UBE2V2: variants seen among roughly 807,000 people sequenced by gnomAD.
The protein encoded by UBE2V2 is ubiquitin conjugating enzyme E2 V2.
Under a neutral mutation model 17.2 loss-of-function variants are expected in UBE2V2, and 9 were observed. That is an observed-to-expected ratio of 0.52 (90% CI 0.32 to 0.91). The LOEUF (loss-of-function observed/expected upper bound fraction) is 0.91. Among genes scored for constraint, UBE2V2 ranks in the 40% least tolerant of loss-of-function variants. The pLI, the probability that UBE2V2 is intolerant of heterozygous loss-of-function variation, is 0.04. For synonymous variants in UBE2V2, 61 were observed against 57.5 expected (o/e 1.06, Z -0.28); for missense variants, 133 against 182.6 (o/e 0.73, Z 1.56).
chr8:48,008,513 G>T, intron 1 of UBE2V2, 43 bp downstream of exon 1: 1 of 1,552,956 alleles, frequency 6.4e-7, no homozygotes, highest in Non-Finnish European at 8.7e-7. Context: ...GCTCCGACCC[G>T]GCTCTGCCCC....
upstream of UBE2V2, chr8:48,008,325 G>A: frequency 1.6e-6 from 2 of 1,274,438 alleles, no homozygotes; most frequent in Non-Finnish European, 2.0e-6. Flanking sequence ...CGTGCGCGCT[G>A]TCCCTCGGGT....
intron 1 of UBE2V2, among the ~76,000 whole-genome samples, chr8:48,015,669 C>T (rs933204083): frequency 5.9e-5 from 9 of 152,142 alleles, no homozygotes; most frequent in African/African-American, 2.2e-4. Context: ...ATCCTAACCT[C>T]TGGTAACCAC....
At chr8:48,049,193 C>T (rs1487861476) in intron 2 of UBE2V2, among the ~76,000 whole-genome samples, 2 of 152,128 alleles carry the variant, frequency 1.3e-5, no homozygotes, top group Middle Eastern at 3.4e-3. Context: ...TAATGAACCT[C>T]AAAATTAATG....
chr8:48,054,444 A>C (rs1035339033), intron 3 of UBE2V2, among the ~76,000 whole-genome samples: 1 of 152,236 alleles, frequency 6.6e-6, no homozygotes, highest in Non-Finnish European at 1.5e-5. Context: ...ACTGGGAAAT[A>C]GAAAAATAAA....
chr8:48,033,977 T>C (rs1431389157), intron 1 of UBE2V2, among the ~76,000 whole-genome samples: 1 of 152,042 alleles, frequency 6.6e-6, no homozygotes, highest in African/African-American at 2.4e-5. Flanking sequence ...AAGAAAGTCC[T>C]CATGCTGTTC....
At chr8:48,036,193 G>C (rs560896808) in intron 1 of UBE2V2, among the ~76,000 whole-genome samples, 1 of 151,196 alleles carries the variant, frequency 6.6e-6, no homozygotes, top group Admixed American at 6.6e-5. Flanking sequence ...GGGCTCAAGC[G>C]ATCCTCCCAC....
chr8:48,013,477 T>G (rs1034425932), intron 1 of UBE2V2, among the ~76,000 whole-genome samples: 1 of 151,998 alleles, frequency 6.6e-6, no homozygotes, highest in Admixed American at 6.6e-5. Flanking sequence ...CCGGTTAATT[T>G]TTTTTGTATT....
chr8:48,012,885 G>A (rs1235614574), intron 1 of UBE2V2, among the ~76,000 whole-genome samples: 2 of 151,614 alleles, frequency 1.3e-5, no homozygotes, highest in Non-Finnish European at 2.9e-5. Context: ...TTGCTCTGTC[G>A]CCCAGGCTAG....
intron 1 of UBE2V2, among the ~76,000 whole-genome samples, chr8:48,012,164 T>A (rs2091237090): frequency 6.6e-6 from 1 of 152,160 alleles, no homozygotes; most frequent in Non-Finnish European, 1.5e-5. Context: ...GAATCTTAAT[T>A]ACTCCCTTTC....
At chr8:48,010,484 C>T (rs1306496922) in intron 1 of UBE2V2, among the ~76,000 whole-genome samples, 1 of 149,832 alleles carries the variant, frequency 6.7e-6, no homozygotes, top group African/African-American at 2.5e-5. Context: ...TCACTGCAAC[C>T]TCCGCCTCCC....
chr8:48,040,449 T>C (rs1022984541), intron 1 of UBE2V2, among the ~76,000 whole-genome samples: 4 of 152,208 alleles, frequency 2.6e-5, no homozygotes, highest in Non-Finnish European at 5.9e-5. Context: ...GCCTCTATTC[T>C]CTTTACTGAC....
intron 1 of UBE2V2, among the ~76,000 whole-genome samples, chr8:48,040,206 G>T (rs1412243638): frequency 6.6e-6 from 1 of 151,682 alleles, no homozygotes. Flanking sequence ...CTTCACATTC[G>T]ATTTTGTTTT....
chr8:48,044,804 A>T (rs2091487170), intron 2 of UBE2V2, among the ~76,000 whole-genome samples: 1 of 152,216 alleles, frequency 6.6e-6, no homozygotes, highest in East Asian at 1.9e-4. Context: ...TAACAGTCAG[A>T]ACTTGGTAGA....
intron 3 of UBE2V2, among the ~76,000 whole-genome samples, chr8:48,051,415 C>T (rs193253542): frequency 1.2e-4 from 18 of 152,268 alleles, no homozygotes; most frequent in African/African-American, 4.3e-4. Flanking sequence ...TGCGTTCCCT[C>T]TCTCTACCAG....
At chr8:48,049,345 C>T (rs1364783182) in intron 2 of UBE2V2, among the ~76,000 whole-genome samples, 1 of 151,964 alleles carries the variant, frequency 6.6e-6, no homozygotes, top group African/African-American at 2.4e-5. Flanking sequence ...ATTTGTTATC[C>T]AACAAGACCC....
intron 1 of UBE2V2, among the ~76,000 whole-genome samples, chr8:48,017,500 A>G (rs375879154): frequency 6.6e-6 from 1 of 151,778 alleles, no homozygotes; most frequent in South Asian, 2.1e-4. Flanking sequence ...CAGCCTCCTA[A>G]GTAGCTGGGA....
chr8:48,057,554 C>T (rs1283641838), intron 3 of UBE2V2, among the ~76,000 whole-genome samples: 5 of 152,082 alleles, frequency 3.3e-5, no homozygotes, highest in South Asian at 2.1e-4. Context: ...CTGCCCACCT[C>T]GCCCTCCCAA....
intron 1 of UBE2V2, among the ~76,000 whole-genome samples, chr8:48,015,051 A>C (rs1471833274): frequency 7.4e-6 from 1 of 135,614 alleles, no homozygotes; most frequent in East Asian, 2.1e-4. Flanking sequence ...CTCCATCTCC[A>C]AAAAAAAAAA....
chr8:48,060,598 C>A (rs1802578269), intron 3 of UBE2V2, 84 bp from the exon 4 acceptor site: 2 of 1,281,100 alleles, frequency 1.6e-6, no homozygotes, highest in Admixed American at 3.1e-5. Flanking sequence ...TTTTCAAAAT[C>A]ATTCTTATTA....
Sources: allele counts gnomAD v4.1 joint callset (sites outside exome capture counted in the v4.1 genomes callset), GRCh38; gene constraint gnomAD v4.1.1; transcripts MANE v1.5; gene names NCBI Gene and HGNC (gene_info 2026-07-23, HGNC 2026-07-21).